The following RBM19 variants were observed in gnomAD, a reference collection of about 807,000 sequenced individuals.
RBM19 encodes the protein RNA binding motif protein 19, also known as probable RNA-binding protein 19.
A neutral mutation model predicts 116.8 loss-of-function variants in RBM19; 94 were observed. The ratio of observed to expected loss-of-function variants is 0.80; its 90% CI spans 0.68 to 0.95. The LOEUF (loss-of-function observed/expected upper bound fraction) is 0.95, where lower values mean the gene tolerates loss of function less well. Ranked by LOEUF, RBM19 falls within the 40% of genes least tolerant of loss-of-function variation. The pLI is 0.00. For missense variants in RBM19, 1,161 were observed against 1,220.7 expected (o/e 0.95, Z 0.73); for synonymous variants, 475 against 494.1 (o/e 0.96, Z 0.51).
chr12:113,877,989 G>A (rs911572864), intron 21 of RBM19, among the ~76,000 whole-genome samples: 10 of 152,186 alleles, frequency 6.6e-5, no homozygotes, highest in African/African-American at 2.4e-4. Context: ...AATATTTGGG[G>A]TAAATACAAT....
At chr12:113,894,733 A>C (rs1309398017) in intron 21 of RBM19, among the ~76,000 whole-genome samples, 1 of 152,214 alleles carries the variant, frequency 6.6e-6, no homozygotes, top group Non-Finnish European at 1.5e-5. Flanking sequence ...TAAGCTACAA[A>C]TCTACTTCTC....
rs757816817 is a variant in RBM19 at position 113,898,227 on chromosome 12, C to CT, written c.2558+16741dup. ...GGGGTGGGGGTGGAGAGGATTTGCT[C>CT]TTTTTGTAGGACAATTTCAGGTTTT... On this transcript the variant is annotated intron_variant, in intron 21 of 23. Coordinates refer to ENST00000261741, the MANE Select transcript of RBM19 (RefSeq NM_016196.4). The surrounding 1 kb of genome is among the most constrained non-coding windows in gnomAD (Gnocchi z 4.3). Among the ~76,000 whole-genome samples the CT allele has an allele frequency of 3.3e-5, 5 of 152,128 alleles. No homozygotes were observed. Among genetic ancestry groups the CT allele is most frequent in the Non-Finnish European group, 7.4e-5 (5 of 68,016 alleles).
intron 17 of RBM19, among the ~76,000 whole-genome samples, chr12:113,926,269 A>G (rs940873937): frequency 1.1e-4 from 17 of 152,342 alleles, no homozygotes; most frequent in African/African-American, 4.1e-4. Context: ...TAGGGTTCAG[A>G]GGGATTTTTA....
intron 21 of RBM19, among the ~76,000 whole-genome samples, chr12:113,892,619 G>A (rs1282101481): frequency 1.3e-5 from 2 of 152,174 alleles, no homozygotes; most frequent in Non-Finnish European, 2.9e-5. Flanking sequence ...CGTTTAATGC[G>A]ATTAGGTTTT....
At chr12:113,819,603 C>T (rs920934364), downstream of RBM19, among the ~76,000 whole-genome samples, 46 of 152,314 alleles carry the variant, frequency 3.0e-4, no homozygotes, top group Admixed American at 2.5e-3. Context: ...TGTCTACCAA[C>T]GTCCCATCAT....
intron 5 of RBM19, among the ~76,000 whole-genome samples, chr12:113,958,654 C>T (rs924685504): frequency 1.3e-5 from 2 of 152,150 alleles, no homozygotes; most frequent in East Asian, 1.9e-4. Flanking sequence ...AAATGTACAT[C>T]TTCTCACCTT....
intron 22 of RBM19, among the ~76,000 whole-genome samples, chr12:113,851,312 G>C (rs149171068): frequency 6.6e-6 from 1 of 152,170 alleles, no homozygotes; most frequent in African/African-American, 2.4e-5. Flanking sequence ...TCCCTAGCTC[G>C]CTCAGCTCAG....
intron 16 of RBM19, among the ~76,000 whole-genome samples, chr12:113,934,599 G>A (rs1236238020): frequency 6.6e-6 from 1 of 152,216 alleles, no homozygotes; most frequent in Non-Finnish European, 1.5e-5. Flanking sequence ...GGCATGTGGA[G>A]TGGCCATTCC....
intron 10 of RBM19, among the ~76,000 whole-genome samples, chr12:113,948,583 G>A (rs1227382703): frequency 6.6e-6 from 1 of 152,234 alleles, no homozygotes; most frequent in African/African-American, 2.4e-5. Flanking sequence ...AAGTTAGAGA[G>A]TTCAGACAGC....
At position 113,826,717 on chromosome 12, in the gene RBM19, A is replaced by G. The variant is rs150906074; in HGVS notation, c.2786-3396T>C. On this transcript the variant is annotated intron_variant, in intron 23 of 23. Coordinates refer to ENST00000261741, the MANE Select transcript of RBM19 (RefSeq NM_016196.4). ...GTTGTGGTGAGGCTGAAATGAGTAA[A>G]AAGGGCAATGCCCAGCCCCTGGCTC... Among the ~76,000 whole-genome samples, 18 of 152,316 alleles carry G rather than the reference A, an allele frequency of 1.2e-4. 1 individual carries two copies. In the East Asian group the frequency reaches 3.5e-3, roughly 29 times the overall value.
At chr12:113,897,701 C>T (rs956727417) in intron 21 of RBM19, among the ~76,000 whole-genome samples, 11 of 152,226 alleles carry the variant, frequency 7.2e-5, no homozygotes, top group African/African-American at 2.7e-4. Context: ...CATGTTTGGT[C>T]GTGCAGGTTG....
At chr12:113,844,872 C>A in intron 22 of RBM19, 84 bp from the exon 23 acceptor site, 2 of 1,486,148 alleles carry the variant, frequency 1.3e-6, no homozygotes, top group Admixed American at 2.2e-5. Context: ...TGCCTGCCTG[C>A]GTCTCAGATG....
In RBM19 at chr12:113,823,262, T is replaced by C. The variant is rs1207724505; in HGVS notation, c.2845A>G (p.Ser949Gly). The C allele has an allele frequency of 1.2e-6, 2 of 1,612,876 alleles. No homozygotes were observed. The highest frequency in any genetic ancestry group is 2.7e-5 in the African/African-American group (2 of 75,064). ...GTCTGCTCCTCGCTGTCGCTGTCAC[T>C]GCCTTCCAGCTGCTCCAGGATCTCG... Reference protein sequence around the residue: ...LDEILEQLEGSDSDSEEQTLQ... With the variant: ...LDEILEQLEGGDSDSEEQTLQ... The change falls in exon 24 of 24, where the codon AGT (serine) becomes GGT (glycine). Residue 949 changes from serine to glycine, a missense_variant. Transcript: ENST00000261741.
chr12:113,860,528 G>C (rs781278017), intron 21 of RBM19, among the ~76,000 whole-genome samples: 15 of 152,230 alleles, frequency 9.9e-5, no homozygotes, highest in Non-Finnish European at 2.1e-4. Flanking sequence ...TAAGGGGCTG[G>C]AGCCTGAGAG....
intron 16 of RBM19, among the ~76,000 whole-genome samples, chr12:113,931,591 A>G (rs1869605395): frequency 6.6e-6 from 1 of 151,802 alleles, no homozygotes; most frequent in Admixed American, 6.6e-5. Context: ...CTGGCTCGCC[A>G]CCTTCCCTGA....
chr12:113,952,117 C>T (rs1871524487), intron 8 of RBM19, among the ~76,000 whole-genome samples: 1 of 152,202 alleles, frequency 6.6e-6, no homozygotes, highest in Non-Finnish European at 1.5e-5. Context: ...TATAAACCTG[C>T]AGGGAGGGTG....
At chr12:113,923,440 T>C (rs1393346373) in intron 18 of RBM19, among the ~76,000 whole-genome samples, 2 of 152,194 alleles carry the variant, frequency 1.3e-5, no homozygotes, top group Non-Finnish European at 2.9e-5. Context: ...GGCACTTTCT[T>C]ATGGCAGCCC....
At chr12:113,893,826 C>T (rs1316568722) in intron 21 of RBM19, among the ~76,000 whole-genome samples, 2 of 152,320 alleles carry the variant, frequency 1.3e-5, no homozygotes, top group East Asian at 3.9e-4. Context: ...AAATTCAATT[C>T]CTCAGTCACA....
At chr12:113,872,411 G>C (rs572576829) in intron 21 of RBM19, among the ~76,000 whole-genome samples, 12 of 133,254 alleles carry the variant, frequency 9.0e-5, no homozygotes, top group East Asian at 2.6e-4. Context: ...TCAGCCCTCC[G>C]CCCGGCCAGC....
Sources: allele counts gnomAD v4.1 joint callset (sites outside exome capture counted in the v4.1 genomes callset), GRCh38; gene constraint gnomAD v4.1.1; non-coding constraint Gnocchi (gnomAD v3.1); transcripts MANE v1.5; gene names NCBI Gene and HGNC (gene_info 2026-07-23, HGNC 2026-07-21).